HEMK2: variants seen among roughly 807,000 people sequenced by gnomAD.
HEMK2 encodes the protein methyltransferase HEMK2.
At chr21:28,591,914 G>T in the HEMK2 span, among the ~76,000 whole-genome samples, 1 of 152,142 alleles carries the variant, frequency 6.6e-6, no homozygotes, top group Non-Finnish European at 1.5e-5. Flanking sequence ...ATGTTGCATG[G>T]TGTGTATGTA....
the HEMK2 span, among the ~76,000 whole-genome samples, chr21:28,785,405 G>GTTCCTT: frequency 6.6e-6 from 1 of 152,208 alleles, no homozygotes; most frequent in African/African-American, 2.4e-5. Context: ...AATTAGGCAT[G>GTTCCTT]TTCCTTAACA....
At chr21:28,821,260 T>C in the HEMK2 span, among the ~76,000 whole-genome samples, 3 of 152,258 alleles carry the variant, frequency 2.0e-5, no homozygotes, top group Non-Finnish European at 2.9e-5. Context: ...CTAATTACAC[T>C]GCACCACAGA....
the HEMK2 span, among the ~76,000 whole-genome samples, chr21:28,817,803 G>T: frequency 6.6e-6 from 1 of 152,154 alleles, no homozygotes; most frequent in South Asian, 2.1e-4. Context: ...CAAAAACACA[G>T]ATGGGGCTCA....
chr21:28,726,633 C>G, the HEMK2 span, among the ~76,000 whole-genome samples: 32 of 152,158 alleles, frequency 2.1e-4, no homozygotes, highest in Non-Finnish European at 3.8e-4. Flanking sequence ...TCAGGCCAGG[C>G]ACAGTGGCTC....
chr21:28,640,641 C>T, the HEMK2 span, among the ~76,000 whole-genome samples: 16 of 152,224 alleles, frequency 1.1e-4, no homozygotes, highest in Non-Finnish European at 2.9e-5. Flanking sequence ...CTGACAACTA[C>T]TACTACCACT....
chr21:28,864,862 GATA>G, the HEMK2 span, among the ~76,000 whole-genome samples: 33 of 112,552 alleles, frequency 2.9e-4, no homozygotes, highest in African/African-American at 1.1e-3. Context: ...TAGATAGATA[GATA>G]GATGGATGAT....
At chr21:28,830,768 T>C in the HEMK2 span, among the ~76,000 whole-genome samples, 4 of 151,720 alleles carry the variant, frequency 2.6e-5, no homozygotes, top group South Asian at 8.3e-4. Context: ...TCCCAGCTAC[T>C]TGGGAGGCTG....
At chr21:28,578,786 C>T in the HEMK2 span, among the ~76,000 whole-genome samples, 2 of 152,152 alleles carry the variant, frequency 1.3e-5, no homozygotes, top group Non-Finnish European at 2.9e-5. Context: ...CCATTCAAGG[C>T]CCTCCCAGTT....
the HEMK2 span, among the ~76,000 whole-genome samples, chr21:28,768,329 G>T: frequency 2.0e-5 from 3 of 152,032 alleles, no homozygotes; most frequent in Non-Finnish European, 4.4e-5. Flanking sequence ...CAGAATACTG[G>T]GGATTCTTAC....
At chr21:28,794,855 G>A in the HEMK2 span, among the ~76,000 whole-genome samples, 1 of 152,096 alleles carries the variant, frequency 6.6e-6, no homozygotes, top group African/African-American at 2.4e-5. Flanking sequence ...CAAAAAGTGT[G>A]GATTCTGTGG....
chr21:28,793,019 A>T, the HEMK2 span, among the ~76,000 whole-genome samples: 1 of 152,248 alleles, frequency 6.6e-6, no homozygotes, highest in Admixed American at 6.5e-5. Flanking sequence ...CAAAAGGAAG[A>T]AAACTGGAGA....
the HEMK2 span, among the ~76,000 whole-genome samples, chr21:28,605,068 C>CTT: frequency 3.9e-5 from 6 of 152,196 alleles, no homozygotes; most frequent in East Asian, 9.6e-4. Flanking sequence ...TGTGGATGCA[C>CTT]TTATGTCAAC....
the HEMK2 span, among the ~76,000 whole-genome samples, chr21:28,754,048 C>G: frequency 6.6e-6 from 1 of 151,986 alleles, no homozygotes; most frequent in Admixed American, 6.5e-5. Context: ...GGAGTGAAGC[C>G]CTGTTCATTT....
At chr21:28,696,236 G>C in the HEMK2 span, among the ~76,000 whole-genome samples, 1 of 152,018 alleles carries the variant, frequency 6.6e-6, no homozygotes, top group African/African-American at 2.4e-5. Flanking sequence ...GGAATTATGG[G>C]AGCTACAATT....
the HEMK2 span, among the ~76,000 whole-genome samples, chr21:28,730,295 C>T: frequency 2.0e-5 from 3 of 151,898 alleles, no homozygotes. Context: ...GTAGCAGGAT[C>T]GCTTGAGCCT....
At chr21:28,808,929 A>G in the HEMK2 span, among the ~76,000 whole-genome samples, 27 of 152,198 alleles carry the variant, frequency 1.8e-4, no homozygotes, top group Non-Finnish European at 2.9e-4. Context: ...TCATCAAGAT[A>G]ACTCATTTTT....
chr21:28,864,500 T>G, the HEMK2 span, among the ~76,000 whole-genome samples: 1 of 152,184 alleles, frequency 6.6e-6, no homozygotes, highest in African/African-American at 2.4e-5. Flanking sequence ...TTTGATGAGC[T>G]CATTCAATCA....
the HEMK2 span, among the ~76,000 whole-genome samples, chr21:28,610,972 C>T: frequency 6.6e-6 from 1 of 152,164 alleles, no homozygotes; most frequent in South Asian, 2.1e-4. Context: ...ACTCCACTGA[C>T]AGCACTAGAC....
the HEMK2 span, among the ~76,000 whole-genome samples, chr21:28,658,176 T>C: frequency 1.3e-5 from 2 of 152,006 alleles, no homozygotes; most frequent in Non-Finnish European, 2.9e-5. Flanking sequence ...ACCAAAATAA[T>C]AGGACCTAAA....
Sources: gnomAD v4.1 joint callset for allele counts (sites outside exome capture counted in the v4.1 genomes callset) on GRCh38, gnomAD v4.1.1 for gene constraint, MANE v1.5 for transcripts, NCBI Gene and HGNC (gene_info 2026-07-23, HGNC 2026-07-21) for gene names.